ANKRD30A: variants seen among roughly 807,000 people sequenced by gnomAD.
ANKRD30A encodes ankyrin repeat domain-containing protein 30A.
In ANKRD30A, 170 loss-of-function variants were observed where a neutral mutation model predicts 166.3. That is an observed-to-expected ratio of 1.02 (90% confidence interval 0.90 to 1.16). The LOEUF is 1.16. ANKRD30A is among the 50% of genes most tolerant of loss of function. The pLI, the probability that ANKRD30A is intolerant of heterozygous loss-of-function variation, is 0.00. For missense variants in ANKRD30A, 1,630 were observed against 1,518.0 expected, an observed-to-expected ratio of 1.07 and a Z score of -1.23; for synonymous variants, 564 against 508.9, an observed-to-expected ratio of 1.11 and a Z score of -1.46.
At chr10:37,209,014 T>C (rs1842139574) in intron 31 of ANKRD30A, among the ~76,000 whole-genome samples, 5 of 152,178 alleles carry the variant, frequency 3.3e-5, no homozygotes, top group Admixed American at 3.3e-4. Context: ...AGCTTGATAG[T>C]TCATCTCTTT....
Position 37,219,340 on chromosome 10 carries a change from G to C in ANKRD30A, c.3628G>C (p.Asp1210His). 6.2e-7 allele frequency: 1 copy of C among 1,610,344 alleles called. No homozygotes were observed. Residue 1210 changes from aspartate to histidine, a missense_variant, in exon 34 of 36, where the codon GAT becomes CAT. Transcript: ENST00000361713. ...PRLASAVQDH[D>H]QIVTSRKSQE... ...ACTGGCTTCTGCTGTACAAGACCAT[G>C]ATCAAATTGTGACATCAAGAAAAAG...
chr10:37,129,541 A>C (rs1246279404), intron 1 of ANKRD30A, among the ~76,000 whole-genome samples: 1 of 152,194 alleles, frequency 6.6e-6, no homozygotes, highest in African/African-American at 2.4e-5. Flanking sequence ...TTGAGGCATC[A>C]TAGTGATAAC....
At chr10:37,151,519 C>A (rs17605805) in intron 11 of ANKRD30A, among the ~76,000 whole-genome samples, 1 of 151,792 alleles carries the variant, frequency 6.6e-6, no homozygotes, top group Non-Finnish European at 1.5e-5. Context: ...ATATACACAC[C>A]CAAAACACAC....
At position 37,216,268 on chromosome 10, in the gene ANKRD30A, C is replaced by G. The variant is rs750397526; in HGVS notation, c.2957C>G (p.Thr986Arg). Residue 986 changes from threonine to arginine, a missense_variant, in exon 32 of 36, where the codon ACA becomes AGA. This residue lies in a region of ANKRD30A where 712 missense variants were observed against 629.3 expected (regional missense o/e 1.13). Coordinates refer to ENST00000361713, the MANE Select transcript of ANKRD30A (RefSeq NM_052997.3). ...ELQKDHCEQR[T>R]GKMEQMKKKF... ...CAAAAAGATCACTGTGAACAACGTA[C>G]AGGAAAAATGGAACAAATGAAAAAG... 4.4e-6 allele frequency: 7 copies of G among 1,608,070 alleles called. No individual in the cohort carries two copies. Among genetic ancestry groups the G allele is most frequent in the Non-Finnish European group, 6.0e-6 (7 of 1,175,956 alleles).
chr10:37,192,941 G>C, intron 25 of ANKRD30A, 123 bp from the exon 26 acceptor site: 4 of 1,473,548 alleles, frequency 2.7e-6, no homozygotes, highest in South Asian at 1.1e-5. Context: ...GACCCCAAAA[G>C]CTAGTGTAAT....
the ANKRD30A span, among the ~76,000 whole-genome samples, chr10:37,250,195 TC>T: frequency 1.3e-5 from 2 of 152,094 alleles, no homozygotes; most frequent in Non-Finnish European, 1.5e-5. Flanking sequence ...ATGTGATGAG[TC>T]CTGGGGTCTG....
At chr10:37,166,520 A>T in intron 18 of ANKRD30A, 85 bp from the exon 19 acceptor site, 2 of 1,291,760 alleles carry the variant, frequency 1.5e-6, no homozygotes, top group East Asian at 2.6e-5. Context: ...TGTGTTTTTA[A>T]AAAAGAATTT....
chr10:37,206,064 C>A (rs188543765), intron 31 of ANKRD30A, among the ~76,000 whole-genome samples: 1 of 151,836 alleles, frequency 6.6e-6, no homozygotes, highest in Non-Finnish European at 1.5e-5. Context: ...TATAGATGCA[C>A]GATATTACTT....
rs777568423 is a variant in ANKRD30A, at chr10:37,136,594, T to G, written c.756-13T>G. The G allele has an allele frequency of 9.0e-6, 11 of 1,223,276 alleles. No individual in the cohort carries two copies. The highest frequency in any genetic ancestry group is 1.3e-5 in the Non-Finnish European group (11 of 871,082). The allele number at this position is 1,223,276 out of a possible 1,614,324, so 75.8% of individuals were successfully genotyped here. On this transcript the variant is annotated splice_polypyrimidine_tract_variant and intron_variant, in intron 5 of 35. Coordinates refer to ENST00000361713, the MANE Select transcript of ANKRD30A (RefSeq NM_052997.3). ...TAAAATGGTAATTTTATTTATCACATTTTTATACATAGCATTCATGAACAA... is the reference window on the plus strand; with the variant it reads ...TAAAATGGTAATTTTATTTATCACAGTTTTATACATAGCATTCATGAACAA...
chr10:37,151,726 A>G (rs1837951678), intron 11 of ANKRD30A, among the ~76,000 whole-genome samples: 1 of 152,144 alleles, frequency 6.6e-6, no homozygotes, highest in Non-Finnish European at 1.5e-5. Context: ...GAGAGATGAT[A>G]GGTAATTAAA....
At chr10:37,259,510 A>G in the ANKRD30A span, among the ~76,000 whole-genome samples, 1 of 152,240 alleles carries the variant, frequency 6.6e-6, no homozygotes, top group Non-Finnish European at 1.5e-5. Context: ...TTATATACCC[A>G]ACAGAAATGC....
the ANKRD30A span, among the ~76,000 whole-genome samples, chr10:37,247,422 G>T: frequency 1.3e-5 from 2 of 152,108 alleles, no homozygotes; most frequent in African/African-American, 4.8e-5. Flanking sequence ...TTATAAAAAT[G>T]GTATTTTATT....
chr10:37,161,530 T>C (rs1246084347), intron 15 of ANKRD30A, among the ~76,000 whole-genome samples: 2 of 152,104 alleles, frequency 1.3e-5, no homozygotes, highest in Non-Finnish European at 2.9e-5. Flanking sequence ...AGAAAGAATG[T>C]AGGCAGGTAA....
rs1842767941 is a variant in ANKRD30A at position 37,219,390 on chromosome 10, A to G, written c.3678A>G (p.Ala1226=). 5.0e-6 allele frequency: 8 copies of G among 1,610,612 alleles called. No individual in the cohort carries two copies. In the East Asian group the frequency reaches 1.6e-4, roughly 32 times the overall value. ...RKSQEPAFHI[A]GDACLQRKMN... ...GTCAAGAACCTGCTTTCCACATTGC[A>G]GGAGATGCTTGTTTGCAAAGAAAAA... Residue 1226 remains alanine (A), a synonymous_variant, in exon 34 of 36, where the codon GCA becomes GCG. Coordinates refer to ENST00000361713, the MANE Select transcript of ANKRD30A (RefSeq NM_052997.3).
the ANKRD30A span, among the ~76,000 whole-genome samples, chr10:37,256,589 T>C: frequency 2.5e-3 from 381 of 152,338 alleles, 2 homozygotes; most frequent in Non-Finnish European, 3.6e-3. Flanking sequence ...TAAACATTTA[T>C]TGAGTACATA....
chr10:37,214,540 G>GTATATATATATATA (rs140166249), intron 31 of ANKRD30A, among the ~76,000 whole-genome samples: 1 of 139,802 alleles, frequency 7.2e-6, no homozygotes, highest in East Asian at 2.1e-4. Context: ...AGTTTTATAG[G>GTATATATATATATA]TATATATATA....
intron 15 of ANKRD30A, among the ~76,000 whole-genome samples, chr10:37,162,065 G>C (rs755949769): frequency 2.0e-5 from 3 of 152,070 alleles, no homozygotes; most frequent in Non-Finnish European, 2.9e-5. Flanking sequence ...CTTCTTGCAT[G>C]AGTGGATCCA....
At position 37,165,133 on chromosome 10, in the gene ANKRD30A, A is replaced by T; in HGVS notation, c.2042A>T (p.Glu681Val). ...LPSESKQKDY[E>V]ENSWDTESLC... ...TCAGAATCCAAACAAAAGGACTATGAAGAAAATTCTTGGGATACTGAGGTA... is the reference window on the plus strand; with the variant it reads ...TCAGAATCCAAACAAAAGGACTATGTAGAAAATTCTTGGGATACTGAGGTA... Residue 681 changes from glutamate to valine, a missense_variant, in exon 18 of 36, where the codon GAA (glutamate) becomes GTA (valine). Transcript: ENST00000361713. The T allele has an allele frequency of 6.2e-7, 1 of 1,609,410 alleles. No homozygotes were observed. The highest frequency in any genetic ancestry group is 1.3e-5 in the African/African-American group (1 of 74,906).
intron 3 of ANKRD30A, among the ~76,000 whole-genome samples, chr10:37,131,473 T>C (rs1462363828): frequency 1.3e-5 from 2 of 152,218 alleles, no homozygotes; most frequent in Non-Finnish European, 2.9e-5. Flanking sequence ...ATGGACCATT[T>C]AATAATAAGC....
Sources: gnomAD v4.1 joint callset for allele counts (sites outside exome capture counted in the v4.1 genomes callset) on GRCh38, gnomAD v4.1.1 for gene constraint, gnomAD v4.1.1 regional missense constraint, MANE v1.5 for transcripts, NCBI Gene and HGNC (gene_info 2026-07-23, HGNC 2026-07-21) for gene names.